RAB3C: variants seen among roughly 807,000 people sequenced by gnomAD.
RAB3C encodes the protein RAB3C, member RAS oncogene family.
RAB3C carries 17 observed loss-of-function variants against 26.4 expected under a neutral mutation model. That is an observed-to-expected ratio of 0.64 (90% CI 0.44 to 0.97). RAB3C has a LOEUF of 0.97. Ranked by LOEUF, RAB3C falls within the 50% of genes least tolerant of loss-of-function variation. RAB3C has a pLI of 0.00. For missense variants in RAB3C, 242 were observed against 281.9 expected, an observed-to-expected ratio of 0.86 and a Z score of 1.01; for synonymous variants, 91 against 95.9, an observed-to-expected ratio of 0.95 and a Z score of 0.30.
At chr5:58,596,716 T>TAATATATAATACATAATATATA (rs1457103981) in intron 1 of RAB3C, among the ~76,000 whole-genome samples, 3 of 33,854 alleles carry the variant, frequency 8.9e-5, no homozygotes, top group East Asian at 4.0e-4. Flanking sequence ...TATAAATATA[T>TAATATATAATACATAATATATA]AATATATAAT....
At chr5:58,790,849 G>A (rs1020709738) in intron 3 of RAB3C, among the ~76,000 whole-genome samples, 2 of 151,776 alleles carry the variant, frequency 1.3e-5, no homozygotes, top group African/African-American at 4.8e-5. Context: ...ATAACTGAAG[G>A]GTTCAGAGGT....
At chr5:58,728,740 G>T (rs996506035) in intron 3 of RAB3C, among the ~76,000 whole-genome samples, 3 of 151,998 alleles carry the variant, frequency 2.0e-5, no homozygotes, top group Non-Finnish European at 4.4e-5. Context: ...CTCCACAGGT[G>T]ATTCTGAAGC....
rs1748706285 is a variant in RAB3C at position 58,696,630 on chromosome 5, T to C, written c.253-29372T>C. ...TATTGGTCTATTCAGAGATTAAACT[T>C]CTTCCTGGTTTAATCTTGGGAGTGT... On this transcript the variant is annotated intron_variant, in intron 2 of 4. Transcript: ENST00000282878. Among the ~76,000 whole-genome samples, 4 of 152,226 alleles carry C rather than the reference T, an allele frequency of 2.6e-5. 1 individual carries two copies. The highest frequency in any genetic ancestry group is 2.6e-4 in the Admixed American group (4 of 15,286).
chr5:58,739,943 G>C (rs35332244), intron 3 of RAB3C, among the ~76,000 whole-genome samples: 135 of 152,344 alleles, frequency 8.9e-4, no homozygotes, highest in Non-Finnish European at 1.3e-3. Context: ...AGAGGAAAGA[G>C]ATGTAACAAG....
At chr5:58,797,858 G>A (rs747578185) in intron 3 of RAB3C, among the ~76,000 whole-genome samples, 4 of 152,068 alleles carry the variant, frequency 2.6e-5, no homozygotes, top group Non-Finnish European at 4.4e-5. Context: ...ATTTGTGCTC[G>A]ACTACAACAA....
chr5:58,709,359 C>G (rs1302087777), intron 2 of RAB3C, among the ~76,000 whole-genome samples: 1 of 152,146 alleles, frequency 6.6e-6, no homozygotes, highest in African/African-American at 2.4e-5. Flanking sequence ...CCACCCAGGC[C>G]CTTCTACCTT....
Position 58,726,138 on chromosome 5 carries a change from C to T in RAB3C, c.371+18C>T, listed in dbSNP as rs374343295. On this transcript the variant is annotated intron_variant, in intron 3 of 4. Transcript: ENST00000282878. ...CAAGATTGGTAAGTCAGAGCAAATA[C>T]TCTTATTACTGATAATGATGGTTCT... 2.5e-6 allele frequency: 3 copies of T among 1,216,198 alleles called. No homozygotes were observed. Among genetic ancestry groups the T allele is most frequent in the African/African-American group, 3.1e-5 (2 of 65,562 alleles). 75.3% of individuals were successfully genotyped at this position (1,216,198 alleles called of 1,614,324 possible).
At chr5:58,737,448 T>TATATATAA (rs1554050298) in intron 3 of RAB3C, among the ~76,000 whole-genome samples, 6 of 31,324 alleles carry the variant, frequency 1.9e-4, no homozygotes, top group Non-Finnish European at 4.4e-4. Flanking sequence ...TATATATATA[T>TATATATAA]AATTTACTTG....
intron 4 of RAB3C, among the ~76,000 whole-genome samples, chr5:58,843,847 A>G (rs1273394754): frequency 1.3e-5 from 2 of 152,222 alleles, no homozygotes; most frequent in South Asian, 2.1e-4. Context: ...AAACAAAGGA[A>G]AAGTGATTCT....
intron 3 of RAB3C, among the ~76,000 whole-genome samples, chr5:58,788,904 A>G (rs1461519066): frequency 6.6e-6 from 1 of 152,178 alleles, no homozygotes; most frequent in African/African-American, 2.4e-5. Context: ...ATGCCTGTCA[A>G]GGTTTTGTGA....
At chr5:58,753,259 G>A (rs1741573789) in intron 3 of RAB3C, among the ~76,000 whole-genome samples, 1 of 152,058 alleles carries the variant, frequency 6.6e-6, no homozygotes, top group Admixed American at 6.5e-5. Context: ...CTATGTAGAG[G>A]CATTATTTAG....
In RAB3C at chr5:58,655,850, C is replaced by T. The variant is rs1186564765; in HGVS notation, c.252+37980C>T. On this transcript the variant is annotated intron_variant, in intron 2 of 4. Coordinates refer to ENST00000282878, the MANE Select transcript of RAB3C (RefSeq NM_138453.4). ...TCGCTCTGTCACCCAGGCTGGAGTG[C>T]AGTGACGCAGTCTCGGCTCACTGCA... Among the ~76,000 whole-genome samples, 5 of 129,904 alleles carry T rather than the reference C, an allele frequency of 3.8e-5. No individual in the cohort carries two copies. In the East Asian group the frequency reaches 1.2e-3, roughly 31 times the overall value. The allele number at this position is 129,904 out of a possible 152,430, so 85.2% of individuals were successfully genotyped here. A position where few individuals can be genotyped will look rare whatever the true frequency, so the allele number is the denominator to read the frequency against.
intron 2 of RAB3C, among the ~76,000 whole-genome samples, chr5:58,652,310 A>C (rs1747670584): frequency 6.6e-6 from 1 of 151,804 alleles, no homozygotes; most frequent in African/African-American, 2.4e-5. Flanking sequence ...AGAGAATATA[A>C]ATTGATTGTA....
chr5:58,638,321 A>G (rs1380792572), intron 2 of RAB3C, among the ~76,000 whole-genome samples: 1 of 151,572 alleles, frequency 6.6e-6, no homozygotes, highest in Non-Finnish European at 1.5e-5. Flanking sequence ...TGTTCTGTGC[A>G]TCTTTATTTT....
intron 3 of RAB3C, among the ~76,000 whole-genome samples, chr5:58,777,346 C>G (rs1235396570): frequency 1.3e-5 from 2 of 152,146 alleles, no homozygotes; most frequent in East Asian, 1.9e-4. Context: ...CTTCCAAGCT[C>G]TGTGTGTATG....
At chr5:58,620,625 C>T (rs1290600949) in intron 2 of RAB3C, among the ~76,000 whole-genome samples, 1 of 152,182 alleles carries the variant, frequency 6.6e-6, no homozygotes, top group Non-Finnish European at 1.5e-5. Flanking sequence ...TAATTTATTA[C>T]TATCCTATTT....
At chr5:58,598,591 G>T (rs1426148153) in intron 1 of RAB3C, among the ~76,000 whole-genome samples, 1 of 152,084 alleles carries the variant, frequency 6.6e-6, no homozygotes, top group African/African-American at 2.4e-5. Context: ...AGTGTTCTAG[G>T]ACAGGTCCTA....
intron 3 of RAB3C, among the ~76,000 whole-genome samples, chr5:58,736,860 A>G (rs1193723113): frequency 2.0e-5 from 3 of 152,088 alleles, no homozygotes; most frequent in African/African-American, 7.2e-5. Context: ...CATCTCATCT[A>G]CATTGTTGGA....
chr5:58,634,039 G>A (rs190458123), intron 2 of RAB3C, among the ~76,000 whole-genome samples: 214 of 151,776 alleles, frequency 1.4e-3, no homozygotes, highest in African/African-American at 5.0e-3. Flanking sequence ...TACTCAGGAG[G>A]CTGAGGCAGG....
Sources: allele counts gnomAD v4.1 joint callset (sites outside exome capture counted in the v4.1 genomes callset), GRCh38; gene constraint gnomAD v4.1.1; transcripts MANE v1.5; gene names NCBI Gene and HGNC (gene_info 2026-07-23, HGNC 2026-07-21).